The following GLB1L variants were observed in gnomAD, a reference collection of about 807,000 sequenced individuals.
The protein encoded by GLB1L is galactosidase beta 1 like, also known as beta-galactosidase-1-like protein.
Under a neutral mutation model 75.7 loss-of-function variants are expected in GLB1L, and 58 were observed. The observed-to-expected ratio is 0.77, with a 90% CI of 0.62 to 0.95. The LOEUF is 0.95. GLB1L is among the 40% of genes least tolerant of loss of function. The pLI, the probability that GLB1L is intolerant of heterozygous loss-of-function variation, is 0.00. For synonymous variants in GLB1L, 296 were observed against 303.0 expected, an observed-to-expected ratio of 0.98 and a Z score of 0.24; for missense variants, 797 against 805.5, an observed-to-expected ratio of 0.99 and a Z score of 0.13.
At chr2:219,241,596 G>T (rs1012505103) in intron 5 of GLB1L, among the ~76,000 whole-genome samples, 1 of 151,614 alleles carries the variant, frequency 6.6e-6, no homozygotes, top group Non-Finnish European at 1.5e-5. Flanking sequence ...GGCCTGGTGG[G>T]TCTGAAGAAC....
chr2:219,241,442 G>GTGTGTGTATA (rs1382897637), intron 5 of GLB1L, among the ~76,000 whole-genome samples: 1 of 82,902 alleles, frequency 1.2e-5, no homozygotes, highest in Non-Finnish European at 2.2e-5. Flanking sequence ...GTGTGTGTGT[G>GTGTGTGTATA]TATATATATA....
In GLB1L at chr2:219,243,185, A is replaced by G. The variant is rs1329826899; in HGVS notation, c.202T>C (p.Leu68=). 1.2e-6 allele frequency: 2 copies of G among 1,613,390 alleles called. No individual in the cohort carries two copies. The highest frequency in any genetic ancestry group is 2.2e-5 in the East Asian group (1 of 44,870). The change falls in exon 3 of 17, where the codon TTG becomes CTG. Residue 68 remains leucine (L), a synonymous_variant. Transcript: ENST00000295759. ...TTGAGGCCGCTCCATCGCATCTTCA[A>G]AAGCCGGTCGGCCCAAAGCACCCGC... ...VPRVLWADRL[L]KMRWSGLNAI... is the part of the protein sequence containing the mutation.
At chr2:219,242,289 GTT>G (rs34455694) in intron 5 of GLB1L, among the ~76,000 whole-genome samples, 58 of 146,426 alleles carry the variant, frequency 4.0e-4, no homozygotes, top group East Asian at 6.0e-4. Context: ...GCGCCCAGCT[GTT>G]TTTTTTTTTT....
rs976242830 is a variant in GLB1L, at chr2:219,238,705, C to T, written c.1137G>A (p.Leu379=). ...AGAGAAAAGATGTGGAGGAACTTAC[C>T]AGGTGCAGAGTCACAGGTCCAAGCA... ...KMMLGPVTLH[L]VGHLLAFLDL... is the part of the protein sequence containing the mutation. The change falls in exon 12 of 17, where the codon CTG becomes CTA. Residue 379 remains leucine (L), a splice_region_variant and synonymous_variant. Coordinates refer to ENST00000295759, the MANE Select transcript of GLB1L (RefSeq NM_001286423.2). The T allele has an allele frequency of 2.5e-6, 4 of 1,613,580 alleles. No individual in the cohort carries two copies. In the African/African-American group the frequency reaches 4.0e-5, roughly 16 times the overall value.
In GLB1L at chr2:219,238,343, G is replaced by A. The variant is rs1398601352; in HGVS notation, c.1248C>T (p.Tyr416=). 5 of 1,608,456 alleles carry A rather than the reference G, an allele frequency of 3.1e-6. No individual in the cohort carries two copies. The highest frequency in any genetic ancestry group is 1.3e-5 in the African/African-American group (1 of 74,632). ...AAATGGTATGGGTCATATAGGTTCG[G>A]TACAACATGAAGCCATGGTCCTGGG... The part of the protein sequence containing the change: ...AVKQDHGFML[Y]RTYMTHTIFE... The change falls in exon 14 of 17, where the codon TAC becomes TAT. Residue 416 remains tyrosine (Y), a synonymous_variant. Coordinates refer to ENST00000295759, the MANE Select transcript of GLB1L (RefSeq NM_001286423.2).
intron 12 of GLB1L, 37 bp from the exon 13 acceptor site, chr2:219,238,621 A>G: frequency 6.2e-7 from 1 of 1,602,534 alleles, no homozygotes; most frequent in Non-Finnish European, 8.5e-7. Flanking sequence ...AATATCAGGG[A>G]AGTTTCTGGA....
intron 16 of GLB1L, 40 bp downstream of exon 16, chr2:219,237,470 CTT>C (rs1951278156): frequency 6.2e-7 from 1 of 1,608,062 alleles, no homozygotes; most frequent in African/African-American, 1.3e-5. Flanking sequence ...TGATTTTTCT[CTT>C]TTACCTCCCC....
Position 219,243,324 on chromosome 2 carries a change from G to C in GLB1L, c.73-10C>G, listed in dbSNP as rs1391342588. Reference sequence around the variant, plus strand: ...ACGACCGAGTGTCTGCCTATAAAGAGAAAGAGACGCTGCTCAGCAGACGCC... The same window carrying C: ...ACGACCGAGTGTCTGCCTATAAAGACAAAGAGACGCTGCTCAGCAGACGCC... On this transcript the variant is annotated splice_polypyrimidine_tract_variant and intron_variant, in intron 2 of 16. Coordinates refer to ENST00000295759, the MANE Select transcript of GLB1L (RefSeq NM_001286423.2). 1 of 1,590,980 alleles carries C rather than the reference G, an allele frequency of 6.3e-7. No individual in the cohort carries two copies. Among genetic ancestry groups the C allele is most frequent in the East Asian group, 2.3e-5 (1 of 44,430 alleles).
rs573682249 is a variant in GLB1L, at chr2:219,242,658, G to A, written c.391-84C>T. ...GGAAGCTAGGAAGGGAAGGAAGGAAGGGAAGGAATTGAATATAGTGCTGGA... is the reference window on the plus strand; with the variant it reads ...GGAAGCTAGGAAGGGAAGGAAGGAAAGGAAGGAATTGAATATAGTGCTGGA... On this transcript the variant is annotated intron_variant, in intron 4 of 16. Transcript: ENST00000295759. 2.2e-4 allele frequency: 329 copies of A among 1,527,840 alleles called. 5 individuals are homozygous for A. In the South Asian group the frequency reaches 3.4e-3, roughly 16 times the overall value. The allele number at this position is 1,527,840 out of a possible 1,614,324, so 94.6% of individuals were successfully genotyped here. A position where few individuals can be genotyped will look rare whatever the true frequency, so the allele number is the denominator to read the frequency against.
chr2:219,238,612 A>G, intron 12 of GLB1L, 28 bp from the exon 13 acceptor site: 5 of 1,605,842 alleles, frequency 3.1e-6, no homozygotes, highest in Middle Eastern at 1.7e-4. Flanking sequence ...AAGAATTAGA[A>G]TATCAGGGAA....
At chr2:219,242,991 G>A (rs2125059679) in intron 3 of GLB1L, 73 bp from the exon 4 acceptor site, 3 of 1,594,118 alleles carry the variant, frequency 1.9e-6, no homozygotes, top group Non-Finnish European at 2.6e-6. Flanking sequence ...AGGCCTTGCA[G>A]GGAATCTCCA....
At chr2:219,238,022 C>T (rs1951293124) in intron 14 of GLB1L, 65 bp from the exon 15 acceptor site, 1 of 1,523,966 alleles carries the variant, frequency 6.6e-7, no homozygotes, top group Admixed American at 1.8e-5. Context: ...GCATAGGAAA[C>T]CACACATTAG....
chr2:219,243,580 T>C lies in GLB1L; in HGVS notation c.-7A>G. The stretch of plus-strand genomic sequence containing the variant: ...ACAGCTTCTTGGGAGCCATGGCGTT[T>C]ACAGCGCTCCTCTAGTCTGAGACGG... On this transcript the variant is annotated 5_prime_UTR_variant, in exon 2 of 17. Coordinates refer to ENST00000295759, the MANE Select transcript of GLB1L (RefSeq NM_001286423.2). The C allele has an allele frequency of 6.2e-7, 1 of 1,614,012 alleles. No homozygotes were observed. Among genetic ancestry groups the C allele is most frequent in the African/African-American group, 1.3e-5 (1 of 75,050 alleles).
At position 219,240,191 on chromosome 2, in the gene GLB1L, C is replaced by T. The variant is rs1441465116; in HGVS notation, c.546G>A (p.Gln182=). ...YHNGGNIISI[Q]VENEYGSYRA... is the part of the protein sequence containing the mutation. Reference sequence around the variant, plus strand: ...TGCTCCAGTCACTTCCCCCTTGTACCTGAATGCTAATGATGTTGCCCCCAT... The same window carrying T: ...TGCTCCAGTCACTTCCCCCTTGTACTTGAATGCTAATGATGTTGCCCCCAT... The change falls in exon 6 of 17, where the codon CAG becomes CAA. Residue 182 remains glutamine, a splice_region_variant and synonymous_variant. Transcript: ENST00000295759. 6 of 1,614,128 alleles carry T rather than the reference C, an allele frequency of 3.7e-6. No individual in the cohort carries two copies. In the Admixed American group the frequency reaches 6.7e-5, roughly 18 times the overall value.
intron 11 of GLB1L, 88 bp from the exon 12 acceptor site, chr2:219,238,867 G>C: frequency 8.5e-7 from 1 of 1,182,782 alleles, no homozygotes; most frequent in Non-Finnish European, 1.2e-6. Flanking sequence ...CTAACCTGGG[G>C]CCCAGGGAAG....
chr2:219,243,002 G>A (rs569150985), intron 3 of GLB1L, 84 bp from the exon 4 acceptor site: 4 of 1,577,612 alleles, frequency 2.5e-6, no homozygotes, highest in South Asian at 1.1e-5. Context: ...GGAATCTCCA[G>A]GAAGCGGTTG....
intron 11 of GLB1L, 76 bp downstream of exon 11, chr2:219,239,016 G>A (rs1951321464): frequency 9.4e-7 from 1 of 1,061,306 alleles, no homozygotes; most frequent in African/African-American, 1.6e-5. Flanking sequence ...CAATTTATGG[G>A]ATACCTTTAC....
chr2:219,243,697 A>G (rs1574872609), intron 1 of GLB1L, 54 bp from the exon 2 acceptor site: 1 of 886,888 alleles, frequency 1.1e-6, no homozygotes, highest in Non-Finnish European at 1.8e-6. Flanking sequence ...TTTAGCCTGG[A>G]CTTCCTCTCC....
In GLB1L at chr2:219,238,728, G is replaced by GCATC. The variant is rs1951315647; in HGVS notation, c.1110_1113dup (p.Leu372AspfsTer35). On this transcript the variant is annotated frameshift_variant, in exon 12 of 17. Coordinates refer to ENST00000295759, the MANE Select transcript of GLB1L (RefSeq NM_001286423.2). LOFTEE classifies it high-confidence loss of function. ...ACCAGGTGCAGAGTCACAGGTCCAA[G>GCATC]CATCATCTTGGGGCTCGGGGGAGGT... is the stretch of plus-strand genomic sequence containing the variant. The GCATC allele has an allele frequency of 6.2e-7, 1 of 1,614,108 alleles. No homozygotes were observed. Among genetic ancestry groups the GCATC allele is most frequent in the East Asian group, 2.2e-5 (1 of 44,886 alleles).
Sources: gnomAD v4.1 joint callset for allele counts (sites outside exome capture counted in the v4.1 genomes callset) on GRCh38, gnomAD v4.1.1 for gene constraint, MANE v1.5 for transcripts, NCBI Gene and HGNC (gene_info 2026-07-23, HGNC 2026-07-21) for gene names.